Variants in NSL1 observed in about 807,000 individuals in gnomAD.
The protein encoded by NSL1 is kinetochore-associated protein NSL1 homolog.
A neutral mutation model predicts 25.4 loss-of-function variants in NSL1; 11 were observed. The observed-to-expected ratio is 0.43, with a 90% CI of 0.27 to 0.72. The LOEUF (loss-of-function observed/expected upper bound fraction) is 0.72, where lower values mean the gene tolerates loss of function less well. Ranked by LOEUF, NSL1 falls within the 30% of genes least tolerant of loss-of-function variation. The pLI is 0.19. For missense variants in NSL1, 330 were observed against 342.7 expected, an observed-to-expected ratio of 0.96 and a Z score of 0.29; for synonymous variants, 118 against 120.6, an observed-to-expected ratio of 0.98 and a Z score of 0.14.
chr1:212,737,894 G>T lies in NSL1; in HGVS notation c.*514C>A, dbSNP rs148052292. On this transcript the variant is annotated 3_prime_UTR_variant, in exon 6 of 6. Coordinates refer to ENST00000366977, the MANE Select transcript of NSL1 (RefSeq NM_015471.4). ...ACATGGAGTAACAAAGTCAAAGCCA[G>T]TATTATCATCAGCACATTAATTTGA... The T allele has an allele frequency of 4.1e-6, 4 of 985,236 alleles. No homozygotes were observed. In the African/African-American group the frequency reaches 5.2e-5, roughly 13 times the overall value. The allele number at this position is 985,236 out of a possible 1,614,324, so 61.0% of individuals were successfully genotyped here.
At chr1:212,771,843 T>C (rs1008616228) in intron 4 of NSL1, among the ~76,000 whole-genome samples, 6 of 152,102 alleles carry the variant, frequency 3.9e-5, no homozygotes, top group Non-Finnish European at 8.8e-5. Flanking sequence ...CAGTACACTA[T>C]TAAAAGCAAT....
chr1:212,779,976 C>T (rs1406568449), intron 4 of NSL1, among the ~76,000 whole-genome samples: 9 of 152,086 alleles, frequency 5.9e-5, no homozygotes, highest in Non-Finnish European at 1.3e-4. Flanking sequence ...AGCCCCTCTG[C>T]CCGGCCGCCA....
intron 4 of NSL1, among the ~76,000 whole-genome samples, chr1:212,749,976 A>C (rs1658989737): frequency 6.7e-6 from 1 of 150,152 alleles, no homozygotes; most frequent in African/African-American, 2.5e-5. Context: ...CTTTCCCATT[A>C]ATATGGCAAC....
intron 4 of NSL1, among the ~76,000 whole-genome samples, chr1:212,771,123 G>C (rs2102382729): frequency 6.6e-6 from 1 of 152,288 alleles, no homozygotes; most frequent in Middle Eastern, 3.4e-3. Flanking sequence ...AGACCAGCCT[G>C]ACCAACATGG....
intron 4 of NSL1, among the ~76,000 whole-genome samples, chr1:212,749,182 C>T (rs926478707): frequency 2.0e-5 from 3 of 151,914 alleles, no homozygotes. Flanking sequence ...CACACACATA[C>T]AATAATGAAC....
rs1270871149 is a variant in NSL1, at chr1:212,731,839, A to G, written c.*6569T>C. 77 of 985,132 alleles carry G rather than the reference A, an allele frequency of 7.8e-5. No individual in the cohort carries two copies. The highest frequency in any genetic ancestry group is 8.6e-5 in the Non-Finnish European group (71 of 829,890). 61.0% of individuals were successfully genotyped at this position (985,132 alleles called of 1,614,324 possible). On this transcript the variant is annotated 3_prime_UTR_variant, in exon 6 of 6. Coordinates refer to ENST00000366977, the MANE Select transcript of NSL1 (RefSeq NM_015471.4). Reference sequence around the variant, plus strand: ...TACTGGTTGGCACAGAAGCCTCCTCACTATCCCTGCCACTCTGGCTGCTCC... The same window carrying G: ...TACTGGTTGGCACAGAAGCCTCCTCGCTATCCCTGCCACTCTGGCTGCTCC...
chr1:212,748,001 A>G (rs186615822), intron 4 of NSL1, among the ~76,000 whole-genome samples: 5 of 152,268 alleles, frequency 3.3e-5, no homozygotes, highest in Admixed American at 2.6e-4. Context: ...CCCAACCCCA[A>G]GTGATCCTTC....
chr1:212,734,017 A>G lies in NSL1; in HGVS notation c.*4391T>C, dbSNP rs569541040. ...TTTATTTTTGGGAAAATTTCATTTT[A>G]TCTCCCAGCCCTCCCACTGAATTTT... On this transcript the variant is annotated 3_prime_UTR_variant, in exon 6 of 6. Transcript: ENST00000366977. 6.6e-6 allele frequency among the ~76,000 whole-genome samples: 1 copy of G among 152,144 alleles called. No individual in the cohort carries two copies. Among genetic ancestry groups the G allele is most frequent in the Non-Finnish European group, 1.5e-5 (1 of 68,010 alleles).
chr1:212,783,479 G>C (rs1660810325), intron 3 of NSL1, among the ~76,000 whole-genome samples: 1 of 152,132 alleles, frequency 6.6e-6, no homozygotes, highest in South Asian at 2.1e-4. Context: ...TAACTAAAAT[G>C]TTTTAGATAC....
intron 4 of NSL1, among the ~76,000 whole-genome samples, chr1:212,757,540 G>C (rs1171132534): frequency 6.6e-6 from 1 of 152,178 alleles, no homozygotes; most frequent in African/African-American, 2.4e-5. Flanking sequence ...TTCTGGTAGG[G>C]CCTCAGTGAG....
rs1657873080 is a variant in NSL1 at position 212,728,398 on chromosome 1, C to T, written c.*10010G>A. 5.1e-6 allele frequency: 5 copies of T among 985,282 alleles called. No homozygotes were observed. The highest frequency in any genetic ancestry group is 6.0e-6 in the Non-Finnish European group (5 of 829,908). 61.0% of individuals were successfully genotyped at this position (985,282 alleles called of 1,614,324 possible). On this transcript the variant is annotated 3_prime_UTR_variant, in exon 6 of 6. Transcript: ENST00000366977. ...ACGCTATTTATTAATGGCCTTTTAC[C>T]CAATCTGGGACACTATTACAGTTGT... is the stretch of plus-strand genomic sequence containing the variant.
chr1:212,727,527 G>A lies in NSL1; in HGVS notation c.*10881C>T. The A allele has an allele frequency of 1.0e-6, 1 of 985,368 alleles. No homozygotes were observed. Among genetic ancestry groups the A allele is most frequent in the Non-Finnish European group, 1.2e-6 (1 of 829,900 alleles). The allele number at this position is 985,368 out of a possible 1,614,324, so 61.0% of individuals were successfully genotyped here. A position where few individuals can be genotyped will look rare whatever the true frequency, so the allele number is the denominator to read the frequency against. ...GGTTAATATCATAACTATACCACTG[G>A]AGAGAAAGGACAATGAATTAGACGT... On this transcript the variant is annotated 3_prime_UTR_variant, in exon 6 of 6. Coordinates refer to ENST00000366977, the MANE Select transcript of NSL1 (RefSeq NM_015471.4).
chr1:212,743,487 A>T (rs1240425705), intron 4 of NSL1, among the ~76,000 whole-genome samples: 2 of 150,128 alleles, frequency 1.3e-5, no homozygotes, highest in African/African-American at 2.4e-5. Flanking sequence ...TTTTTAGCTC[A>T]ATTTTCCCTT....
rs1658032883 is a variant in NSL1, at chr1:212,731,956, T to TCTAA, written c.*6448_*6451dup. ...ACCTTACTGCTTTAACCAATGTCCA[T>TCTAA]CTAACTGTTCAGTGCCTGTGCTGTA... On this transcript the variant is annotated 3_prime_UTR_variant, in exon 6 of 6. Transcript: ENST00000366977. 6.1e-6 allele frequency: 6 copies of TCTAA among 984,556 alleles called. No homozygotes were observed. In the South Asian group the frequency reaches 2.3e-4, roughly 39 times the overall value. The allele number at this position is 984,556 out of a possible 1,614,324, so 61.0% of individuals were successfully genotyped here.
rs1426045657 is a variant in NSL1, at chr1:212,760,630, G to A, written c.500-21029C>T. The stretch of plus-strand genomic sequence containing the variant: ...CCAGTCCATTGCCACCACCACTGCC[G>A]CCTGTGCTTGCTGCCTGGGGGCCTG... On this transcript the variant is annotated intron_variant, in intron 4 of 5. Transcript: ENST00000366977. This position sits in a 1 kb window ranked among gnomAD's most constrained non-coding sequence, Gnocchi z 4.3. 3.3e-5 allele frequency among the ~76,000 whole-genome samples: 5 copies of A among 151,968 alleles called. No homozygotes were observed. The highest frequency in any genetic ancestry group is 1.2e-4 in the African/African-American group (5 of 41,366).
intron 5 of NSL1, among the ~76,000 whole-genome samples, chr1:212,739,123 C>T (rs1260412849): frequency 1.3e-5 from 2 of 152,140 alleles, no homozygotes; most frequent in African/African-American, 4.8e-5. Context: ...CTTAGCCTCT[C>T]TGTGCCTCAG....
chr1:212,738,626 C>T lies in NSL1; in HGVS notation c.628G>A (p.Val210Ile), dbSNP rs1658347542. The change falls in exon 6 of 6, where the codon GTT becomes ATT. Residue 210 changes from valine to isoleucine, a missense_variant. Coordinates refer to ENST00000366977, the MANE Select transcript of NSL1 (RefSeq NM_015471.4). ...GFSQVLRMQP[V>I]IHLQRIHQEV... is the part of the protein sequence containing the mutation. ...TGGTGAATCCTCTGGAGGTGGATAA[C>T]AGGCTGCATCCTGAGAACTTGGGAA... 1 of 1,614,168 alleles carries T rather than the reference C, an allele frequency of 6.2e-7. No homozygotes were observed. Among genetic ancestry groups the T allele is most frequent in the Non-Finnish European group, 8.5e-7 (1 of 1,180,010 alleles).
intron 4 of NSL1, among the ~76,000 whole-genome samples, chr1:212,745,836 A>C (rs1658765864): frequency 6.6e-6 from 1 of 152,180 alleles, no homozygotes; most frequent in Non-Finnish European, 1.5e-5. Flanking sequence ...TTGGTGGCAC[A>C]TGCCTGTAGT....
chr1:212,782,927 CA>C (rs1406295290), intron 3 of NSL1, among the ~76,000 whole-genome samples: 9 of 151,946 alleles, frequency 5.9e-5, no homozygotes, highest in African/African-American at 1.9e-4. Context: ...ACAATGCAGG[CA>C]AAAAGAAAGA....
Sources: gnomAD v4.1 joint callset for allele counts (sites outside exome capture counted in the v4.1 genomes callset) on GRCh38, gnomAD v4.1.1 for gene constraint, Gnocchi (gnomAD v3.1) non-coding constraint, MANE v1.5 for transcripts, NCBI Gene and HGNC (gene_info 2026-07-23, HGNC 2026-07-21) for gene names.